Variants in WDR47 observed in about 807,000 individuals in gnomAD.
WDR47 encodes WD repeat-containing protein 47.
Under a neutral mutation model 97.2 loss-of-function variants are expected in WDR47, and 32 were observed. The observed-to-expected ratio is 0.33, with a 90% CI of 0.25 to 0.44. WDR47 has a LOEUF of 0.44. Among genes scored for constraint, WDR47 ranks in the 20% least tolerant of loss-of-function variants. The probability of loss-of-function intolerance (pLI) is 1.00; values close to 1 mark genes in which losing one functional copy is unlikely to be tolerated. For synonymous variants in WDR47, 375 were observed against 373.5 expected (o/e 1.00, Z -0.05); for missense variants, 782 against 1,102.3 (o/e 0.71, Z 4.11).
chr1:109,032,505 CAAAAA>C (rs35413882), intron 1 of WDR47, among the ~76,000 whole-genome samples: 1 of 85,000 alleles, frequency 1.2e-5, no homozygotes, highest in African/African-American at 4.5e-5. Flanking sequence ...GAGACTGTCT[CAAAAA>C]AAAAAAAAAA....
chr1:108,973,424 G>T (rs1333090706), intron 14 of WDR47, among the ~76,000 whole-genome samples: 2 of 152,086 alleles, frequency 1.3e-5, no homozygotes, highest in Non-Finnish European at 2.9e-5. Context: ...CTCCATCAGG[G>T]AGGGAATTAA....
At chr1:108,990,239 T>A (rs1659218388) in intron 9 of WDR47, among the ~76,000 whole-genome samples, 1 of 151,876 alleles carries the variant, frequency 6.6e-6, no homozygotes, top group African/African-American at 2.4e-5. Flanking sequence ...GACAGAGTCT[T>A]GCTCTGTCCC....
chr1:109,014,581 T>C (rs1464176734), intron 3 of WDR47, among the ~76,000 whole-genome samples: 1 of 151,788 alleles, frequency 6.6e-6, no homozygotes, highest in East Asian at 1.9e-4. Context: ...TACAACTGTG[T>C]GCCACAGCAC....
intron 5 of WDR47, among the ~76,000 whole-genome samples, chr1:109,007,906 A>G (rs1013235563): frequency 6.6e-6 from 1 of 152,134 alleles, no homozygotes; most frequent in African/African-American, 2.4e-5. Context: ...GTTCGAGACC[A>G]GCCTGGCCAA....
At chr1:108,987,598 A>G (rs1571157720) in intron 9 of WDR47, among the ~76,000 whole-genome samples, 1 of 151,896 alleles carries the variant, frequency 6.6e-6, no homozygotes, top group East Asian at 1.9e-4. Flanking sequence ...CTCCTGAGCA[A>G]CTGTGATTAC....
intron 7 of WDR47, among the ~76,000 whole-genome samples, chr1:109,000,349 A>C (rs1660085544): frequency 6.6e-6 from 1 of 151,384 alleles, no homozygotes; most frequent in Non-Finnish European, 1.5e-5. Flanking sequence ...CCTCCACTAA[A>C]AATACAAAAA....
intron 1 of WDR47, among the ~76,000 whole-genome samples, chr1:109,037,821 T>G (rs979826513): frequency 1.3e-5 from 2 of 152,030 alleles, no homozygotes; most frequent in Non-Finnish European, 2.9e-5. Context: ...TATAAAATTT[T>G]TATGTCTTTT....
Position 108,974,589 on chromosome 1 carries a change from T to C in WDR47, c.2564A>G (p.His855Arg). 4 of 1,614,134 alleles carry C rather than the reference T, an allele frequency of 2.5e-6. No homozygotes were observed. Among genetic ancestry groups the C allele is most frequent in the Non-Finnish European group, 3.4e-6 (4 of 1,179,970 alleles). ...VRSVRFSPGAHYLLTGSYDMK... is the reference protein window; with the variant it reads ...VRSVRFSPGARYLLTGSYDMK... ...ATCATAAGAGCCTGTTAGCAAGTAGTGAGCTCCAGGGGAGAATCGAACAGA... is the reference window on the plus strand; with the variant it reads ...ATCATAAGAGCCTGTTAGCAAGTAGCGAGCTCCAGGGGAGAATCGAACAGA... The change falls in exon 14 of 15, where the codon CAC (histidine) becomes CGC (arginine). Residue 855 changes from histidine to arginine, a missense_variant. Coordinates refer to ENST00000369962, the MANE Select transcript of WDR47 (RefSeq NM_001142551.2).
chr1:109,033,776 G>T (rs1484436410), intron 1 of WDR47, among the ~76,000 whole-genome samples: 2 of 152,166 alleles, frequency 1.3e-5, no homozygotes. Context: ...AAAATTAGCT[G>T]GACGTGATGG....
intron 2 of WDR47, among the ~76,000 whole-genome samples, chr1:109,018,309 C>T (rs970602886): frequency 1.3e-4 from 20 of 151,372 alleles, no homozygotes; most frequent in African/African-American, 2.9e-4. Context: ...ATTAGCTGGC[C>T]GTGGTGGCGG....
intron 2 of WDR47, among the ~76,000 whole-genome samples, chr1:109,021,774 G>A (rs140095535): frequency 8.6e-5 from 13 of 151,918 alleles, no homozygotes; most frequent in African/African-American, 2.2e-4. Flanking sequence ...TGATCCACAC[G>A]GCTCAGCCTC....
chr1:109,006,224 G>A (rs1292252028), intron 5 of WDR47, among the ~76,000 whole-genome samples: 2 of 151,954 alleles, frequency 1.3e-5, no homozygotes, highest in Non-Finnish European at 2.9e-5. Flanking sequence ...GAAAAACCCC[G>A]TCTCTACTAA....
intron 1 of WDR47, among the ~76,000 whole-genome samples, chr1:109,040,787 A>G (rs1034662580): frequency 3.9e-5 from 6 of 152,316 alleles, no homozygotes; most frequent in African/African-American, 1.4e-4. Flanking sequence ...ATGCCAATGC[A>G]ACATATGCCA....
chr1:109,016,558 T>C (rs1172092313), intron 3 of WDR47, among the ~76,000 whole-genome samples: 1 of 152,046 alleles, frequency 6.6e-6, no homozygotes, highest in Admixed American at 6.6e-5. Context: ...CAAGGGAGAC[T>C]CCAAGGAGCC....
chr1:109,035,828 T>C (rs28564628), intron 1 of WDR47, among the ~76,000 whole-genome samples: 16,225 of 151,608 alleles, frequency 0.11, 986 homozygotes, highest in African/African-American at 0.15. Context: ...TTTTTTTTTT[T>C]TTAAGAGAAG....
At chr1:108,987,011 G>T in intron 9 of WDR47, 1 of 211,844 alleles carries the variant, frequency 4.7e-6, no homozygotes. Context: ...AACCCCTACA[G>T]CTACCACAAA....
At chr1:109,012,870 C>T (rs892249216) in intron 4 of WDR47, among the ~76,000 whole-genome samples, 2 of 152,114 alleles carry the variant, frequency 1.3e-5, no homozygotes, top group African/African-American at 4.8e-5. Context: ...GTGTTCTTTT[C>T]ACTTTTGAAC....
At chr1:109,041,212 C>T (rs1370948001) in intron 1 of WDR47, among the ~76,000 whole-genome samples, 3 of 141,260 alleles carry the variant, frequency 2.1e-5, no homozygotes, top group Admixed American at 7.6e-5. Flanking sequence ...AGCGGTTTAA[C>T]CCTTTGAGTT....
chr1:109,036,608 AAGCGGATCACGGGGTC>A (rs1440166447), intron 1 of WDR47, among the ~76,000 whole-genome samples: 2 of 151,516 alleles, frequency 1.3e-5, no homozygotes, highest in Non-Finnish European at 2.9e-5. Flanking sequence ...AGGCCGAGGC[AAGCGGATCACGGGGTC>A]AGCAGATCGA....
Sources: gnomAD v4.1 joint callset for allele counts (sites outside exome capture counted in the v4.1 genomes callset) on GRCh38, gnomAD v4.1.1 for gene constraint, MANE v1.5 for transcripts, NCBI Gene and HGNC (gene_info 2026-07-23, HGNC 2026-07-21) for gene names.